Variants in RGPD1 observed in about 807,000 individuals in gnomAD.
RGPD1 encodes RANBP2-like and GRIP domain-containing protein 1.
In RGPD1, 7 loss-of-function variants were observed where a neutral mutation model predicts 40.6. That is an observed-to-expected ratio of 0.17 (90% CI 0.10 to 0.32). The LOEUF is 0.32. Ranked by LOEUF, RGPD1 falls within the 10% of genes least tolerant of loss-of-function variation. The pLI is 1.00. For synonymous variants in RGPD1, 24 were observed against 167.0 expected (o/e 0.14, Z 6.60); for missense variants, 50 against 472.5 (o/e 0.11, Z 8.29).
At chr2:86,918,219 C>G (rs1462711625) in intron 1 of RGPD1, among the ~76,000 whole-genome samples, 2 of 150,796 alleles carry the variant, frequency 1.3e-5, no homozygotes, top group East Asian at 3.9e-4. Flanking sequence ...TGGTATAAGG[C>G]CTTACCTCTC....
At chr2:86,926,146 G>A (rs1678482995) in intron 1 of RGPD1, among the ~76,000 whole-genome samples, 2 of 152,396 alleles carry the variant, frequency 1.3e-5, no homozygotes, top group South Asian at 4.1e-4. Flanking sequence ...AAATCAGAGG[G>A]AGGTATAATT....
intron 1 of RGPD1, among the ~76,000 whole-genome samples, chr2:86,943,887 A>T (rs1407723577): frequency 1.3e-5 from 2 of 151,924 alleles, no homozygotes; most frequent in Non-Finnish European, 2.9e-5. Flanking sequence ...GGTGGTGCAC[A>T]CCTGTAGTCC....
At chr2:86,919,991 C>CTTGAAA (rs1678025127) in intron 1 of RGPD1, among the ~76,000 whole-genome samples, 1 of 151,724 alleles carries the variant, frequency 6.6e-6, no homozygotes, top group African/African-American at 2.4e-5. Flanking sequence ...GAGTTTGTGT[C>CTTGAAA]TATTTCAGCA....
intron 6 of RGPD1, among the ~76,000 whole-genome samples, chr2:86,960,682 A>C: frequency 9.2e-6 from 1 of 108,874 alleles, no homozygotes; most frequent in Non-Finnish European, 1.7e-5. Context: ...CTCTGTCTCC[A>C]GGGTTCATGC....
chr2:86,993,238 CT>C (rs1205977735), intron 20 of RGPD1, among the ~76,000 whole-genome samples: 1 of 151,564 alleles, frequency 6.6e-6, no homozygotes, highest in African/African-American at 2.4e-5. Flanking sequence ...GACATGCACA[CT>C]GTAACCCGGG....
chr2:86,936,218 G>A (rs1355468061), intron 1 of RGPD1, among the ~76,000 whole-genome samples: 1 of 108,504 alleles, frequency 9.2e-6, no homozygotes, highest in African/African-American at 3.2e-5. Context: ...GTGTTAGCCA[G>A]GATGCTCTAG....
intron 1 of RGPD1, chr2:86,934,859 A>G (rs1026465798): frequency 7.3e-6 from 1 of 136,520 alleles, no homozygotes; most frequent in Non-Finnish European, 1.6e-5. Context: ...TTTTTTTGGA[A>G]ACGAGGTTGG....
chr2:86,942,548 C>CGGCGGCCTCGATCTGGCCGGGCGGCGGT (rs1679930950), intron 1 of RGPD1, among the ~76,000 whole-genome samples: 1 of 133,414 alleles, frequency 7.5e-6, no homozygotes, highest in Non-Finnish European at 1.6e-5. Context: ...CGGGCGGCGG[C>CGGCGGCCTCGATCTGGCCGGGCGGCGGT]GGCGGCCTCG....
chr2:86,930,766 C>T (rs1678891899), intron 1 of RGPD1: 3 of 1,346,714 alleles, frequency 2.2e-6, no homozygotes, highest in Non-Finnish European at 3.0e-6. Flanking sequence ...CCTCCACCTA[C>T]AGCCCCCTGA....
intron 1 of RGPD1, among the ~76,000 whole-genome samples, chr2:86,927,457 T>A (rs1458587070): frequency 1.3e-5 from 2 of 150,664 alleles, no homozygotes; most frequent in African/African-American, 2.5e-5. Flanking sequence ...ACTTGCAGTG[T>A]TTCCTCTCTG....
At chr2:86,925,902 A>G (rs1168392040) in intron 1 of RGPD1, among the ~76,000 whole-genome samples, 1 of 152,204 alleles carries the variant, frequency 6.6e-6, no homozygotes, top group Non-Finnish European at 1.5e-5. Flanking sequence ...ATTTTGCACA[A>G]GATTGTTTGC....
chr2:86,955,010 G>T (rs1434373018), intron 4 of RGPD1, among the ~76,000 whole-genome samples: 1 of 31,960 alleles, frequency 3.1e-5, no homozygotes, highest in Non-Finnish European at 7.1e-5. Context: ...TTCTTTTTTC[G>T]TTGTTTTTGA....
intron 1 of RGPD1, among the ~76,000 whole-genome samples, chr2:86,924,398 G>C (rs1273363042): frequency 6.7e-6 from 1 of 149,662 alleles, no homozygotes; most frequent in African/African-American, 2.4e-5. Context: ...TCAATAATCC[G>C]CCCATGTTGA....
intron 1 of RGPD1, among the ~76,000 whole-genome samples, chr2:86,929,687 CTCTT>C (rs1678769677): frequency 2.0e-5 from 2 of 101,026 alleles, no homozygotes; most frequent in African/African-American, 3.5e-5. Flanking sequence ...AGAGCCCACA[CTCTT>C]TTTTTTTTTT....
chr2:86,942,379 G>GCCTCGACCTGGCGGGGCGGCGA, intron 1 of RGPD1, 71 bp downstream of exon 1: 1 of 1,417,144 alleles, frequency 7.1e-7, no homozygotes, highest in Non-Finnish European at 9.3e-7. Flanking sequence ...CCGGGCGGCG[G>GCCTCGACCTGGCGGGGCGGCGA]CCTCGACCTG....
intron 1 of RGPD1, among the ~76,000 whole-genome samples, chr2:86,914,197 TCGGCCTGGCCGGGCGGCGGCGG>T (rs1295902423): frequency 2.6e-3 from 85 of 32,258 alleles, no homozygotes; most frequent in South Asian, 5.1e-3. Flanking sequence ...GGCGGCGGCC[TCGGCCTGGCCGGGCGGCGGCGG>T]CGGCCTCGGC....
intron 22 of RGPD1, among the ~76,000 whole-genome samples, chr2:86,999,698 ATACT>A (rs1157123804): frequency 3.2e-4 from 1 of 3,104 alleles, no homozygotes; most frequent in Non-Finnish European, 6.2e-4. Flanking sequence ...ATCATCTGGT[ATACT>A]TACTAAAATT....
At position 86,997,696 on chromosome 2, in the gene RGPD1, T is replaced by A; in HGVS notation, c.5174T>A (p.Val1725Asp). ...PGSERESLLP[V>D]INTMLQLSPE... is the part of the protein sequence containing the mutation. ...AGTGAGAGAGAGAGCCTTCTTCCTG[T>A]TATAAATACGATGTTGCAGCTCAGC... is the stretch of plus-strand genomic sequence containing the variant. The change falls in exon 22 of 23, where the codon GTT (valine) becomes GAT (aspartate). Residue 1725 changes from valine (V) to aspartate (D), a missense_variant. Val to Asp is a radical substitution (Grantham distance 152). Transcript: ENST00000641458. The A allele has an allele frequency of 1.2e-6, 1 of 862,940 alleles. No homozygotes were observed. Among genetic ancestry groups the A allele is most frequent in the East Asian group, 3.2e-5 (1 of 31,148 alleles). The allele number at this position is 862,940 out of a possible 1,614,324, so 53.5% of individuals were successfully genotyped here.
rs1263938475 is a variant in RGPD1 at position 86,942,704 on chromosome 2, G to A, written c.72+396G>A. On this transcript the variant is annotated intron_variant, in intron 1 of 22. Transcript: ENST00000641458. ...CTGGCCGGGCGGCGGTGGCCTCGAC[G>A]TGGCCCGGCGGCGGCCTCGATGGCT... 1.2e-4 allele frequency among the ~76,000 whole-genome samples: 17 copies of A among 139,032 alleles called. No homozygotes were observed. In the East Asian group the frequency reaches 1.9e-3, roughly 16 times the overall value. 91.2% of individuals were successfully genotyped at this position (139,032 alleles called of 152,430 possible).
Sources: gnomAD v4.1 joint callset for allele counts (sites outside exome capture counted in the v4.1 genomes callset) on GRCh38, gnomAD v4.1.1 for gene constraint, MANE v1.5 for transcripts, NCBI Gene and HGNC (gene_info 2026-07-23, HGNC 2026-07-21) for gene names.